The following KIF6 variants were observed in gnomAD, a reference collection of about 807,000 sequenced individuals.
KIF6 encodes kinesin-like protein KIF6.
A neutral mutation model predicts 112.7 loss-of-function variants in KIF6; 106 were observed. The ratio of observed to expected loss-of-function variants is 0.94; its 90% confidence interval spans 0.80 to 1.11. KIF6 has a LOEUF of 1.11. Ranked by LOEUF, KIF6 falls within the 50% of genes least tolerant of loss-of-function variation. The pLI, the probability that KIF6 is intolerant of heterozygous loss-of-function variation, is 0.00. For missense variants in KIF6, 929 were observed against 964.0 expected (o/e 0.96, Z 0.48); for synonymous variants, 339 against 339.9 (o/e 1.00, Z 0.03).
chr6:39,426,869 G>T (rs1262157752), intron 14 of KIF6, among the ~76,000 whole-genome samples: 2 of 152,126 alleles, frequency 1.3e-5, no homozygotes, highest in Admixed American at 1.3e-4. Context: ...AAGAGATTGT[G>T]GGTCACCAAT....
intron 14 of KIF6, among the ~76,000 whole-genome samples, chr6:39,420,361 T>C (rs113331233): frequency 1.6e-3 from 245 of 152,362 alleles, no homozygotes; most frequent in African/African-American, 5.7e-3. Flanking sequence ...CCAAAGAATA[T>C]ATACTTACAT....
chr6:39,336,618 G>T (rs1221243118), intron 22 of KIF6, 70 bp from the exon 23 acceptor site: 8 of 1,455,238 alleles, frequency 5.5e-6, no homozygotes, highest in Non-Finnish European at 7.7e-6. Flanking sequence ...GGATTGAATC[G>T]GGGGGAGGGG....
chr6:39,445,785 T>C (rs914361085), intron 13 of KIF6, among the ~76,000 whole-genome samples: 1 of 152,060 alleles, frequency 6.6e-6, no homozygotes, highest in African/African-American at 2.4e-5. Flanking sequence ...GCACAGGAAA[T>C]AGAATGGCAA....
At chr6:39,617,876 A>G (rs770293279) in intron 5 of KIF6, 5 of 355,892 alleles carry the variant, frequency 1.4e-5, no homozygotes, top group Non-Finnish European at 2.4e-5. Context: ...ACATAGTCCC[A>G]ACACAAGTCA....
rs779071066 is a variant in KIF6, at chr6:39,586,376, C to A, written c.875G>T (p.Arg292Leu). 16 of 1,613,952 alleles carry A rather than the reference C, an allele frequency of 9.9e-6. No individual in the cohort carries two copies. The highest frequency in any genetic ancestry group is 1.3e-5 in the Non-Finnish European group (15 of 1,179,910). Residue 292 changes from arginine to leucine, a missense_variant, in exon 8 of 23, where the codon CGT (arginine) becomes CTT (leucine). Around this residue, in one of 2 missense-constraint regions of KIF6, gnomAD observed 688 missense variants for 662.7 expected, o/e 1.04. Coordinates refer to ENST00000287152, the MANE Select transcript of KIF6 (RefSeq NM_145027.6). ...GGAGTTTCTATAAGGAATGTGCGAA[C>A]GGTGCTTTTCTGAAAGGGCAATGAT... The part of the protein sequence containing the change: ...QVIIALSEKH[R>L]SHIPYRNSMM...
intron 5 of KIF6, among the ~76,000 whole-genome samples, chr6:39,620,983 G>A (rs1167111224): frequency 6.6e-6 from 1 of 151,984 alleles, no homozygotes; most frequent in African/African-American, 2.4e-5. Flanking sequence ...TAGCCAGGCT[G>A]GTCTTGAACT....
At chr6:39,400,948 C>A (rs1257792475) in intron 15 of KIF6, among the ~76,000 whole-genome samples, 2 of 152,236 alleles carry the variant, frequency 1.3e-5, no homozygotes, top group Non-Finnish European at 1.5e-5. Flanking sequence ...TACATGTCAG[C>A]TGACTAACGT....
At chr6:39,653,539 T>G (rs535522296) in intron 3 of KIF6, among the ~76,000 whole-genome samples, 116 of 152,318 alleles carry the variant, frequency 7.6e-4, no homozygotes, top group African/African-American at 2.7e-3. Context: ...GCAGATACTT[T>G]CCTCAATTTC....
intron 6 of KIF6, 81 bp from the exon 7 acceptor site, chr6:39,596,341 T>C: frequency 1.0e-6 from 1 of 994,930 alleles, no homozygotes; most frequent in South Asian, 1.5e-5. Flanking sequence ...ATAATATTTC[T>C]AGTGATAAGA....
chr6:39,489,763 C>T (rs1049552651), intron 13 of KIF6, among the ~76,000 whole-genome samples: 2 of 152,146 alleles, frequency 1.3e-5, no homozygotes, highest in Non-Finnish European at 2.9e-5. Context: ...CTACTCGATA[C>T]AAACCTACAG....
chr6:39,337,224 T>TTTCC (rs1763065194), intron 22 of KIF6, among the ~76,000 whole-genome samples: 2 of 116,528 alleles, frequency 1.7e-5, no homozygotes, highest in South Asian at 2.6e-4. Flanking sequence ...TCTTTCTTTC[T>TTTCC]TTCTTTCTTT....
At chr6:39,533,645 C>G (rs62403278) in intron 13 of KIF6, among the ~76,000 whole-genome samples, 1 of 152,216 alleles carries the variant, frequency 6.6e-6, no homozygotes, top group Non-Finnish European at 1.5e-5. Context: ...CAAACAAAAA[C>G]AAACCACTGC....
At chr6:39,628,809 C>A (rs1784218343) in intron 5 of KIF6, among the ~76,000 whole-genome samples, 1 of 151,970 alleles carries the variant, frequency 6.6e-6, no homozygotes, top group African/African-American at 2.4e-5. Context: ...ACCCAGAAAC[C>A]CCCTGTGCTT....
intron 10 of KIF6, among the ~76,000 whole-genome samples, chr6:39,550,211 T>A (rs1011562827): frequency 7.9e-5 from 12 of 152,202 alleles, no homozygotes; most frequent in Non-Finnish European, 1.8e-4. Flanking sequence ...TGTAAAAAAA[T>A]ATGAACATGT....
chr6:39,404,829 C>T (rs1768971175), intron 15 of KIF6, among the ~76,000 whole-genome samples: 1 of 151,580 alleles, frequency 6.6e-6, no homozygotes, highest in Admixed American at 6.6e-5. Context: ...TTATTTATGT[C>T]TTTTTTGATT....
At chr6:39,663,258 C>G (rs1246157909) in intron 3 of KIF6, among the ~76,000 whole-genome samples, 1 of 152,066 alleles carries the variant, frequency 6.6e-6, no homozygotes, top group Non-Finnish European at 1.5e-5. Flanking sequence ...TTTGTAGATA[C>G]AAGGAAATTT....
intron 7 of KIF6, among the ~76,000 whole-genome samples, chr6:39,590,863 A>AT (rs1781911960): frequency 6.6e-6 from 1 of 152,178 alleles, no homozygotes; most frequent in Non-Finnish European, 1.5e-5. Context: ...GGTTCATGTG[A>AT]TTGAAACAGG....
At chr6:39,663,349 T>C (rs303662) in intron 3 of KIF6, among the ~76,000 whole-genome samples, 151,956 of 152,290 alleles carry the variant, frequency 1, 75,813 homozygotes, top group Middle Eastern at 1. Context: ...TGTTCCTTGG[T>C]TGGTGATTGC....
chr6:39,346,108 T>TCCCTCTCCCTCC (rs1763750947), intron 20 of KIF6, among the ~76,000 whole-genome samples: 1 of 24,030 alleles, frequency 4.2e-5, no homozygotes, highest in African/African-American at 2.5e-4. Context: ...CCTCCCCCCC[T>TCCCTCTCCCTCC]CCCTCTCCCT....
Sources: gnomAD v4.1 joint callset for allele counts (sites outside exome capture counted in the v4.1 genomes callset) on GRCh38, gnomAD v4.1.1 for gene constraint, gnomAD v4.1.1 regional missense constraint, MANE v1.5 for transcripts, NCBI Gene and HGNC (gene_info 2026-07-23, HGNC 2026-07-21) for gene names.